Variants in PXDNL observed in about 807,000 individuals in gnomAD.
PXDNL encodes probable oxidoreductase PXDNL.
In PXDNL, 145 loss-of-function variants were observed where a neutral mutation model predicts 150.8. That is an observed-to-expected ratio of 0.96 (90% CI 0.84 to 1.10). The LOEUF (loss-of-function observed/expected upper bound fraction) is 1.10. Ranked by LOEUF, PXDNL falls within the 50% of genes least tolerant of loss-of-function variation. The pLI is 0.00. For synonymous variants in PXDNL, 757 were observed against 725.7 expected, an observed-to-expected ratio of 1.04 and a Z score of -0.69; for missense variants, 2,087 against 1,873.9, an observed-to-expected ratio of 1.11 and a Z score of -2.10.
chr8:51,436,177 C>G (rs1345050941), intron 12 of PXDNL: 1 of 520,374 alleles, frequency 1.9e-6, no homozygotes, highest in Admixed American at 2.0e-5. Context: ...CTTTAGTACA[C>G]CGTGGTATCA....
intron 19 of PXDNL, among the ~76,000 whole-genome samples, chr8:51,358,710 C>T (rs987599247): frequency 2.0e-5 from 3 of 152,124 alleles, no homozygotes; most frequent in Non-Finnish European, 4.4e-5. Context: ...TTTGGGAGCA[C>T]GGTGCCCTGA....
chr8:51,608,575 C>T (rs111303631), intron 2 of PXDNL, among the ~76,000 whole-genome samples: 2 of 147,410 alleles, frequency 1.4e-5, no homozygotes, highest in South Asian at 2.1e-4. Flanking sequence ...CGGTGGCTCA[C>T]GCCTGTAATC....
intron 1 of PXDNL, among the ~76,000 whole-genome samples, chr8:51,735,978 C>A (rs145493178): frequency 1.5e-3 from 229 of 152,330 alleles, no homozygotes; most frequent in Non-Finnish European, 2.1e-3. Context: ...CTGCCTACCA[C>A]CACACCGTAA....
At chr8:51,492,710 T>G (rs1472547841) in intron 5 of PXDNL, among the ~76,000 whole-genome samples, 1 of 152,050 alleles carries the variant, frequency 6.6e-6, no homozygotes, top group Non-Finnish European at 1.5e-5. Flanking sequence ...CAGATCAAAC[T>G]GCAAGGAGGT....
chr8:51,322,814 G>C (rs975830430), intron 21 of PXDNL, among the ~76,000 whole-genome samples: 1 of 152,190 alleles, frequency 6.6e-6, no homozygotes, highest in Non-Finnish European at 1.5e-5. Flanking sequence ...AGGAGGGTTG[G>C]TTCTTGGAAG....
At chr8:51,400,434 C>T (rs1483617304) in intron 17 of PXDNL, among the ~76,000 whole-genome samples, 1 of 152,158 alleles carries the variant, frequency 6.6e-6, no homozygotes, top group Non-Finnish European at 1.5e-5. Context: ...TGATGCTCAA[C>T]CTGTTTATAA....
At chr8:51,565,282 C>CTAAATAAATAAA (rs60659791) in intron 3 of PXDNL, among the ~76,000 whole-genome samples, 3,447 of 132,452 alleles carry the variant, frequency 0.026, 54 homozygotes, top group East Asian at 0.055. Flanking sequence ...ATATCTTTTC[C>CTAAATAAATAAA]TAAATAAATA....
At chr8:51,381,692 C>T (rs1471436481) in intron 17 of PXDNL, among the ~76,000 whole-genome samples, 1 of 151,088 alleles carries the variant, frequency 6.6e-6, no homozygotes, top group Non-Finnish European at 1.5e-5. Flanking sequence ...CTCACTCTGT[C>T]GCCCAGGCTA....
chr8:51,504,345 C>G (rs948627642), intron 4 of PXDNL, among the ~76,000 whole-genome samples: 1 of 152,098 alleles, frequency 6.6e-6, no homozygotes, highest in Admixed American at 6.5e-5. Flanking sequence ...AATGCCCTTC[C>G]AGTATCCCCT....
chr8:51,432,577 C>T (rs1809276634), intron 12 of PXDNL, among the ~76,000 whole-genome samples: 2 of 152,192 alleles, frequency 1.3e-5, no homozygotes, highest in African/African-American at 4.8e-5. Context: ...AATTCTTGCA[C>T]ATCTTTTGTT....
At chr8:51,733,516 G>A (rs1286175315) in intron 1 of PXDNL, among the ~76,000 whole-genome samples, 1 of 151,982 alleles carries the variant, frequency 6.6e-6, no homozygotes, top group Admixed American at 6.6e-5. Flanking sequence ...TATAAATAAA[G>A]GAAAAAACAG....
chr8:51,701,813 C>CGTGGGA (rs71550282), intron 1 of PXDNL, among the ~76,000 whole-genome samples: 2 of 151,380 alleles, frequency 1.3e-5, no homozygotes, highest in Non-Finnish European at 3.0e-5. Flanking sequence ...ATTTTTCAGA[C>CGTGGGA]ATTTTCGAAA....
intron 1 of PXDNL, among the ~76,000 whole-genome samples, chr8:51,791,880 C>A (rs570576158): frequency 6.6e-6 from 1 of 152,072 alleles, no homozygotes; most frequent in South Asian, 2.1e-4. Context: ...CCTAGATGCC[C>A]GGGTGAGTAA....
At chr8:51,540,009 G>A (rs1266528406) in intron 4 of PXDNL, among the ~76,000 whole-genome samples, 13 of 150,450 alleles carry the variant, frequency 8.6e-5, no homozygotes, top group South Asian at 2.1e-4. Flanking sequence ...CTCAACCTCC[G>A]CCTCTCAGGT....
In PXDNL at chr8:51,486,777, TATATATATATA is replaced by T. The variant is rs1264727565; in HGVS notation, c.453-3074_453-3064del. On this transcript the variant is annotated intron_variant, in intron 5 of 22. Transcript: ENST00000356297. ...ATATATATATATATATATATATATA[TATATATATATA>T]TATATATTTTTTTTTTTTTTTTTTT... Among the ~76,000 whole-genome samples, 84 of 12,030 alleles carry T rather than the reference TATATATATATA, an allele frequency of 7.0e-3. 1 individual carries two copies. Among genetic ancestry groups the T allele is most frequent in the Non-Finnish European group, 0.013 (63 of 4,754 alleles). The allele number at this position is 12,030 out of a possible 152,430, so 7.9% of individuals were successfully genotyped here.
intron 1 of PXDNL, among the ~76,000 whole-genome samples, chr8:51,655,249 A>T (rs1815126367): frequency 6.6e-6 from 1 of 152,232 alleles, no homozygotes; most frequent in Admixed American, 6.5e-5. Context: ...TATTAAATCA[A>T]CAGAACAATT....
intron 3 of PXDNL, among the ~76,000 whole-genome samples, chr8:51,578,052 A>AGG (rs1369854724): frequency 9.4e-5 from 13 of 138,842 alleles, no homozygotes; most frequent in African/African-American, 3.0e-4. Flanking sequence ...GAAGGAAGGA[A>AGG]AGAAAGAAAG....
intron 1 of PXDNL, among the ~76,000 whole-genome samples, chr8:51,766,010 A>G (rs2037227215): frequency 6.6e-6 from 1 of 151,928 alleles, no homozygotes; most frequent in Non-Finnish European, 1.5e-5. Context: ...TGCCCGCCTA[A>G]TTTTTTGTAT....
chr8:51,783,595 AC>A (rs2037435085), intron 1 of PXDNL, among the ~76,000 whole-genome samples: 1 of 152,212 alleles, frequency 6.6e-6, no homozygotes, highest in African/African-American at 2.4e-5. Flanking sequence ...CATTATTATA[AC>A]TAAACCGTAT....
Sources: allele counts gnomAD v4.1 joint callset (sites outside exome capture counted in the v4.1 genomes callset), GRCh38; gene constraint gnomAD v4.1.1; transcripts MANE v1.5; gene names NCBI Gene and HGNC (gene_info 2026-07-23, HGNC 2026-07-21).